Variants in SLC35F1 observed in about 807,000 individuals in gnomAD.
SLC35F1 encodes solute carrier family 35 member F1.
In SLC35F1, 14 loss-of-function variants were observed where a neutral mutation model predicts 48.7. The ratio of observed to expected loss-of-function variants is 0.29; its 90% confidence interval spans 0.19 to 0.45. The LOEUF is 0.45. Among genes scored for constraint, SLC35F1 ranks in the 20% least tolerant of loss-of-function variants. The pLI is 1.00. For synonymous variants in SLC35F1, 190 were observed against 202.2 expected (o/e 0.94, Z 0.51); for missense variants, 404 against 500.0 (o/e 0.81, Z 1.83).
In SLC35F1 at chr6:118,292,128, T is replaced by TAATAAATA. The variant is rs550985748; in HGVS notation, c.1002+6804_1002+6811dup. On this transcript the variant is annotated intron_variant, in intron 7 of 7. Coordinates refer to ENST00000360388, the MANE Select transcript of SLC35F1 (RefSeq NM_001029858.4). ...GTGAGACTCCATCTCAAAAACTAAA[T>TAATAAATA]AATAAATAAATAAATAAATAAGATA... Among the ~76,000 whole-genome samples the TAATAAATA allele has an allele frequency of 3.6e-4, 54 of 151,678 alleles. 1 individual carries two copies. Among genetic ancestry groups the TAATAAATA allele is most frequent in the Middle Eastern group, 3.4e-3 (1 of 294 alleles).
intron 1 of SLC35F1, among the ~76,000 whole-genome samples, chr6:117,928,717 C>T (rs372186241): frequency 6.6e-6 from 1 of 152,066 alleles, no homozygotes; most frequent in East Asian, 1.9e-4. Flanking sequence ...ACAGTGTGGA[C>T]ATTTTTTGCT....
chr6:118,073,488 T>C (rs546871473), intron 1 of SLC35F1, among the ~76,000 whole-genome samples: 1 of 152,364 alleles, frequency 6.6e-6, no homozygotes, highest in Non-Finnish European at 1.5e-5. Flanking sequence ...TAAACACTTA[T>C]AAGTATTCAC....
intron 4 of SLC35F1, 100 bp downstream of exon 4, chr6:118,267,254 C>G (rs1348541272): frequency 2.2e-6 from 3 of 1,340,676 alleles, no homozygotes; most frequent in Non-Finnish European, 3.1e-6. Flanking sequence ...ACCTTAGGAA[C>G]CTGGATTTCC....
chr6:118,289,803 T>C (rs910873896), intron 7 of SLC35F1, among the ~76,000 whole-genome samples: 1 of 152,190 alleles, frequency 6.6e-6, no homozygotes, highest in Non-Finnish European at 1.5e-5. Context: ...AGCAGGTTTT[T>C]TAAAAGCTCT....
chr6:117,965,141 A>G (rs1479986907), intron 1 of SLC35F1, among the ~76,000 whole-genome samples: 1 of 152,012 alleles, frequency 6.6e-6, no homozygotes, highest in Non-Finnish European at 1.5e-5. Context: ...GACAAATATA[A>G]TTTTCCTGAG....
chr6:118,048,158 A>C (rs1429618669), intron 1 of SLC35F1, among the ~76,000 whole-genome samples: 3 of 152,174 alleles, frequency 2.0e-5, no homozygotes, highest in Middle Eastern at 6.8e-3. Context: ...TTTTGTCTTT[A>C]GTTCTATTTA....
chr6:118,092,072 A>C (rs1773081796), intron 1 of SLC35F1, among the ~76,000 whole-genome samples: 1 of 152,222 alleles, frequency 6.6e-6, no homozygotes, highest in Non-Finnish European at 1.5e-5. Flanking sequence ...AGAAAAGAAA[A>C]AACCGTTTTC....
chr6:118,231,058 A>G (rs1455310925), intron 2 of SLC35F1, among the ~76,000 whole-genome samples: 1 of 152,120 alleles, frequency 6.6e-6, no homozygotes, highest in African/African-American at 2.4e-5. Flanking sequence ...TGGAAATGAA[A>G]TCTGGCAGGG....
chr6:117,995,869 AATC>A (rs1164607923), intron 1 of SLC35F1, among the ~76,000 whole-genome samples: 1 of 152,236 alleles, frequency 6.6e-6, no homozygotes, highest in Non-Finnish European at 1.5e-5. Context: ...TGGTATCGTA[AATC>A]ATCATAGTAT....
chr6:118,286,993 C>G (rs946846912), intron 7 of SLC35F1, among the ~76,000 whole-genome samples: 1 of 152,236 alleles, frequency 6.6e-6, no homozygotes, highest in Middle Eastern at 3.4e-3. Context: ...TTATATGGAG[C>G]CTTTTGCCCA....
At chr6:118,009,219 C>T (rs1363745321) in intron 1 of SLC35F1, among the ~76,000 whole-genome samples, 1 of 152,160 alleles carries the variant, frequency 6.6e-6, no homozygotes, top group African/African-American at 2.4e-5. Context: ...ACAGATCTGG[C>T]TTCTGCCTTC....
intron 1 of SLC35F1, among the ~76,000 whole-genome samples, chr6:118,026,400 T>A (rs776219188): frequency 4.6e-5 from 7 of 152,206 alleles, no homozygotes; most frequent in Non-Finnish European, 8.8e-5. Flanking sequence ...ACATTTAGTT[T>A]AAGTGACTGG....
At chr6:118,096,361 T>G (rs916670018) in intron 1 of SLC35F1, among the ~76,000 whole-genome samples, 1 of 152,176 alleles carries the variant, frequency 6.6e-6, no homozygotes, top group Non-Finnish European at 1.5e-5. Context: ...TGAATGTGAG[T>G]TAAAAAGAGT....
chr6:118,043,738 A>T (rs1772260878), intron 1 of SLC35F1, among the ~76,000 whole-genome samples: 1 of 152,240 alleles, frequency 6.6e-6, no homozygotes, highest in Non-Finnish European at 1.5e-5. Context: ...AATGTATTGT[A>T]CGCTTATGCA....
intron 7 of SLC35F1, among the ~76,000 whole-genome samples, chr6:118,286,491 C>T (rs190445674): frequency 3.9e-4 from 60 of 152,174 alleles, no homozygotes; most frequent in Non-Finnish European, 6.8e-4. Context: ...TGCAGAAGGG[C>T]AGACACGGGT....
intron 4 of SLC35F1, 133 bp from the exon 5 acceptor site, chr6:118,275,326 G>A (rs552677136): frequency 1.0e-6 from 1 of 969,668 alleles, no homozygotes; most frequent in Non-Finnish European, 1.5e-6. Flanking sequence ...CTAAATCTCA[G>A]TTGGAAATTG....
At chr6:118,061,811 A>G (rs1772544131) in intron 1 of SLC35F1, among the ~76,000 whole-genome samples, 2 of 152,036 alleles carry the variant, frequency 1.3e-5, no homozygotes, top group Non-Finnish European at 2.9e-5. Flanking sequence ...TCTCATAAGG[A>G]GCATGCAACC....
At chr6:117,947,430 A>C (rs1289554204) in intron 1 of SLC35F1, among the ~76,000 whole-genome samples, 1 of 152,162 alleles carries the variant, frequency 6.6e-6, no homozygotes, top group Non-Finnish European at 1.5e-5. Context: ...ACAATGAGTC[A>C]TTTGGGGGAT....
intron 7 of SLC35F1, among the ~76,000 whole-genome samples, chr6:118,301,686 T>C (rs1776256100): frequency 6.6e-6 from 1 of 152,240 alleles, no homozygotes; most frequent in African/African-American, 2.4e-5. Flanking sequence ...GATATATTGG[T>C]AGGCCAGCAG....
Sources: gnomAD v4.1 joint callset for allele counts (sites outside exome capture counted in the v4.1 genomes callset) on GRCh38, gnomAD v4.1.1 for gene constraint, MANE v1.5 for transcripts, NCBI Gene and HGNC (gene_info 2026-07-23, HGNC 2026-07-21) for gene names.